NRCAM: variants seen among roughly 807,000 people sequenced by gnomAD.
NRCAM encodes the protein NgCAM-related cell adhesion molecule.
In NRCAM, 83 loss-of-function variants were observed where a neutral mutation model predicts 156.5. That is an observed-to-expected ratio of 0.53 (90% CI 0.44 to 0.64). NRCAM has a LOEUF of 0.64. Ranked by LOEUF, NRCAM falls within the 30% of genes least tolerant of loss-of-function variation. The probability of loss-of-function intolerance (pLI) is 0.00; values close to 1 mark genes in which losing one functional copy is unlikely to be tolerated. For missense variants in NRCAM, 1,417 were observed against 1,597.3 expected (o/e 0.89, Z 1.92); for synonymous variants, 538 against 563.9 (o/e 0.95, Z 0.65).
intron 11 of NRCAM, among the ~76,000 whole-genome samples, chr7:108,218,353 C>T (rs1021553908): frequency 2.0e-5 from 3 of 152,190 alleles, no homozygotes; most frequent in African/African-American, 7.2e-5. Flanking sequence ...TTGCTGGGAG[C>T]TGCAGATTGG....
At chr7:108,212,476 A>C (rs1232641309) in intron 11 of NRCAM, among the ~76,000 whole-genome samples, 1 of 152,234 alleles carries the variant, frequency 6.6e-6, no homozygotes, top group South Asian at 2.1e-4. Context: ...GGCAAAGCCC[A>C]ATGTAAGGAA....
At chr7:108,278,633 G>C (rs2154079332) in intron 3 of NRCAM, among the ~76,000 whole-genome samples, 1 of 152,316 alleles carries the variant, frequency 6.6e-6, no homozygotes, top group Non-Finnish European at 1.5e-5. Flanking sequence ...TTGGGCAGGA[G>C]CATACCGTTC....
intron 11 of NRCAM, among the ~76,000 whole-genome samples, chr7:108,221,413 T>C (rs1327062665): frequency 2.6e-5 from 4 of 152,164 alleles, no homozygotes; most frequent in African/African-American, 9.6e-5. Flanking sequence ...GTTTATAGCA[T>C]CACAGTTTGC....
At chr7:108,216,964 G>C (rs1258954124) in intron 11 of NRCAM, among the ~76,000 whole-genome samples, 1 of 152,148 alleles carries the variant, frequency 6.6e-6, no homozygotes, top group Non-Finnish European at 1.5e-5. Context: ...TTGCTGGTGA[G>C]TAGTTGTGAT....
intron 3 of NRCAM, among the ~76,000 whole-genome samples, chr7:108,249,534 T>C (rs2096204214): frequency 6.6e-6 from 1 of 152,118 alleles, no homozygotes; most frequent in South Asian, 2.1e-4. Flanking sequence ...AATCAACGAG[T>C]GGCCATTTGT....
intron 2 of NRCAM, among the ~76,000 whole-genome samples, chr7:108,393,513 C>T (rs1182870659): frequency 6.6e-6 from 1 of 152,130 alleles, no homozygotes; most frequent in Non-Finnish European, 1.5e-5. Context: ...AAGGGAATTC[C>T]CTGACCCCTT....
intron 2 of NRCAM, among the ~76,000 whole-genome samples, chr7:108,318,453 A>G (rs1286713906): frequency 6.6e-6 from 1 of 152,188 alleles, no homozygotes; most frequent in Non-Finnish European, 1.5e-5. Flanking sequence ...ATGATGGTTA[A>G]ACAATGAAAT....
At chr7:108,398,509 T>TGACTTC in intron 2 of NRCAM, among the ~76,000 whole-genome samples, 1 of 152,330 alleles carries the variant, frequency 6.6e-6, no homozygotes, top group South Asian at 2.1e-4. Flanking sequence ...TGATAACACC[T>TGACTTC]CAGTGCTTCC....
chr7:108,397,473 G>C (rs993736351), intron 2 of NRCAM, among the ~76,000 whole-genome samples: 4 of 152,194 alleles, frequency 2.6e-5, no homozygotes, highest in Non-Finnish European at 4.4e-5. Flanking sequence ...TCAGCAGTCT[G>C]ACTTGGGTGG....
At chr7:108,334,985 C>A (rs2099164465) in intron 2 of NRCAM, among the ~76,000 whole-genome samples, 2 of 152,014 alleles carry the variant, frequency 1.3e-5, no homozygotes, top group Admixed American at 6.6e-5. Context: ...ATTTGTTGAA[C>A]CCTTCTATCA....
intron 26 of NRCAM, among the ~76,000 whole-genome samples, chr7:108,177,645 A>ATGTATATACGTG (rs2153226813): frequency 3.8e-4 from 6 of 15,684 alleles, no homozygotes; most frequent in Admixed American, 2.0e-3. Flanking sequence ...ATATATATAT[A>ATGTATATACGTG]TATATATATA....
chr7:108,440,401 C>G (rs1006704843), intron 1 of NRCAM, among the ~76,000 whole-genome samples: 1 of 151,796 alleles, frequency 6.6e-6, no homozygotes, highest in Non-Finnish European at 1.5e-5. Flanking sequence ...ATGAATTAAG[C>G]CGAGGACTTA....
chr7:108,326,416 C>A (rs2099069079), intron 2 of NRCAM, among the ~76,000 whole-genome samples: 1 of 152,136 alleles, frequency 6.6e-6, no homozygotes, highest in Non-Finnish European at 1.5e-5. Flanking sequence ...GGGGCCCGGG[C>A]TTGAAAAGCA....
At position 108,194,339 on chromosome 7, in the gene NRCAM, T is replaced by C; in HGVS notation, c.1553A>G (p.Asp518Gly). The part of the protein sequence containing the change: ...GTLEIPVAQK[D>G]STGTYTCVAR... ...AACACACGTATAAGTTCCTGTACTGTCCTTTTGGGCCACAGGAATTTCCAA... is the reference window on the plus strand; with the variant it reads ...AACACACGTATAAGTTCCTGTACTGCCCTTTTGGGCCACAGGAATTTCCAA... Residue 518 changes from aspartate (D) to glycine (G), a missense_variant, in exon 16 of 33, where the codon GAC (aspartate) becomes GGC (glycine). By Grantham distance (94) the Asp-to-Gly change is moderately conservative. This residue lies in a region of NRCAM where 1,238 missense variants were observed against 1,336.4 expected (regional missense o/e 0.93). Coordinates refer to ENST00000379028, the MANE Select transcript of NRCAM (RefSeq NM_001037132.4). 6.2e-7 allele frequency: 1 copy of C among 1,613,304 alleles called. No homozygotes were observed. The highest frequency in any genetic ancestry group is 8.5e-7 in the Non-Finnish European group (1 of 1,179,348).
intron 2 of NRCAM, among the ~76,000 whole-genome samples, chr7:108,368,075 ACT>A (rs1398401693): frequency 1.3e-5 from 2 of 151,858 alleles, no homozygotes; most frequent in African/African-American, 4.8e-5. Flanking sequence ...TCTGAGGTTG[ACT>A]CTCTTCCAGT....
At chr7:108,296,113 CCA>C (rs1298597644) in intron 3 of NRCAM, among the ~76,000 whole-genome samples, 2 of 152,206 alleles carry the variant, frequency 1.3e-5, no homozygotes, top group African/African-American at 2.4e-5. Flanking sequence ...TTCACACACT[CCA>C]CAGTCTTAAG....
intron 12 of NRCAM, 83 bp from the exon 13 acceptor site, chr7:108,207,742 T>C: frequency 9.0e-7 from 1 of 1,110,536 alleles, no homozygotes; most frequent in East Asian, 2.5e-5. Context: ...ATTTTAATAA[T>C]ACAAGCAAGT....
At chr7:108,196,099 G>T (rs2074913424) in intron 14 of NRCAM, among the ~76,000 whole-genome samples, 1 of 152,044 alleles carries the variant, frequency 6.6e-6, no homozygotes. Flanking sequence ...ACATCATTTT[G>T]GTTGTTGATT....
At chr7:108,151,692 G>A (rs1026791541) in intron 32 of NRCAM, among the ~76,000 whole-genome samples, 1 of 152,200 alleles carries the variant, frequency 6.6e-6, no homozygotes, top group African/African-American at 2.4e-5. Context: ...CTGTGTTTGT[G>A]AGCATTTCAG....
Sources: gnomAD v4.1 joint callset for allele counts (sites outside exome capture counted in the v4.1 genomes callset) on GRCh38, gnomAD v4.1.1 for gene constraint, gnomAD v4.1.1 regional missense constraint, MANE v1.5 for transcripts, NCBI Gene and HGNC (gene_info 2026-07-23, HGNC 2026-07-21) for gene names.